The following SGMS1 variants were observed in gnomAD, a reference collection of about 807,000 sequenced individuals.
The protein encoded by SGMS1 is phosphatidylcholine:ceramide cholinephosphotransferase 1.
In SGMS1, 13 loss-of-function variants were observed where a neutral mutation model predicts 46.2. That is an observed-to-expected ratio of 0.28 (90% CI 0.18 to 0.45). SGMS1 has a LOEUF of 0.45. Among genes scored for constraint, SGMS1 ranks in the 20% least tolerant of loss-of-function variants. The pLI, the probability that SGMS1 is intolerant of heterozygous loss-of-function variation, is 1.00. For missense variants in SGMS1, 324 were observed against 519.9 expected, an observed-to-expected ratio of 0.62 and a Z score of 3.66; for synonymous variants, 203 against 187.8, an observed-to-expected ratio of 1.08 and a Z score of -0.66.
chr10:50,322,559 G>A (rs539636489), intron 8 of SGMS1, among the ~76,000 whole-genome samples: 29 of 152,246 alleles, frequency 1.9e-4, no homozygotes, highest in African/African-American at 6.7e-4. Flanking sequence ...GGGGCCGGGC[G>A]CGGTGGCTCA....
intron 2 of SGMS1, among the ~76,000 whole-genome samples, chr10:50,529,931 G>A (rs3011781): frequency 0.84 from 128,036 of 152,112 alleles, 53,981 homozygotes; most frequent in East Asian, 1. Flanking sequence ...CACCATAAAA[G>A]AGGAGTTTTC....
intron 4 of SGMS1, among the ~76,000 whole-genome samples, chr10:50,465,868 A>G (rs1048701798): frequency 2.0e-5 from 3 of 152,166 alleles, no homozygotes; most frequent in East Asian, 3.8e-4. Flanking sequence ...ACAGTTCACA[A>G]ACAACCAACT....
chr10:50,465,926 G>A (rs1033856430), intron 4 of SGMS1, among the ~76,000 whole-genome samples: 1 of 148,100 alleles, frequency 6.8e-6, no homozygotes. Context: ...ACAGAGCTCA[G>A]CCACAAAAAA....
At chr10:50,310,986 C>A (rs889734012) in intron 9 of SGMS1, among the ~76,000 whole-genome samples, 1 of 152,232 alleles carries the variant, frequency 6.6e-6, no homozygotes, top group Non-Finnish European at 1.5e-5. Context: ...AGCTGTATAA[C>A]TGGCTCATAA....
intron 2 of SGMS1, among the ~76,000 whole-genome samples, chr10:50,542,374 C>T (rs868317637): frequency 5.3e-5 from 8 of 151,990 alleles, no homozygotes; most frequent in South Asian, 4.1e-4. Flanking sequence ...TGAAGTGTTG[C>T]CACTCATATT....
intron 3 of SGMS1, among the ~76,000 whole-genome samples, chr10:50,470,256 CT>C (rs1251511401): frequency 6.6e-6 from 1 of 152,130 alleles, no homozygotes; most frequent in Non-Finnish European, 1.5e-5. Flanking sequence ...GTAAAAAGTA[CT>C]GAAAACTTTC....
intron 1 of SGMS1, among the ~76,000 whole-genome samples, chr10:50,612,740 G>A (rs543135833): frequency 1.8e-4 from 27 of 152,204 alleles, no homozygotes; most frequent in South Asian, 1.2e-3. Context: ...ACAGAGCCTC[G>A]CTCTGTCGCC....
At chr10:50,492,075 T>A (rs190511459) in intron 3 of SGMS1, among the ~76,000 whole-genome samples, 1 of 152,202 alleles carries the variant, frequency 6.6e-6, no homozygotes, top group African/African-American at 2.4e-5. Flanking sequence ...CCAACATGAT[T>A]ATCTCAATAG....
At chr10:50,385,515 A>C (rs61856760) in intron 6 of SGMS1, among the ~76,000 whole-genome samples, 6,139 of 152,306 alleles carry the variant, frequency 0.04, 170 homozygotes, top group Middle Eastern at 0.058. Context: ...ATAAAGGTTA[A>C]ATGAAATAAC....
chr10:50,353,142 G>T (rs1467561052), intron 6 of SGMS1, among the ~76,000 whole-genome samples: 2 of 152,224 alleles, frequency 1.3e-5, no homozygotes, highest in Non-Finnish European at 2.9e-5. Flanking sequence ...CAAAAAAAGA[G>T]AATTTTAGAC....
chr10:50,327,062 G>A, intron 8 of SGMS1, 143 bp downstream of exon 8: 1 of 536,820 alleles, frequency 1.9e-6, no homozygotes, highest in East Asian at 3.2e-5. Context: ...GGGCTGCCTG[G>A]CCATATCATT....
chr10:50,331,267 T>A (rs1415913107), intron 7 of SGMS1, among the ~76,000 whole-genome samples: 1 of 152,216 alleles, frequency 6.6e-6, no homozygotes, highest in Non-Finnish European at 1.5e-5. Context: ...CACCTGGCAA[T>A]GCATGGATAT....
At chr10:50,558,662 T>C (rs983449656) in intron 2 of SGMS1, among the ~76,000 whole-genome samples, 1 of 152,164 alleles carries the variant, frequency 6.6e-6, no homozygotes, top group African/African-American at 2.4e-5. Context: ...ACACAGATTT[T>C]CTTCTGCCTC....
chr10:50,553,880 G>T (rs529477282), intron 2 of SGMS1, among the ~76,000 whole-genome samples: 1 of 152,260 alleles, frequency 6.6e-6, no homozygotes, highest in South Asian at 2.1e-4. Context: ...TTAATATTTA[G>T]TTATACTCAA....
At chr10:50,505,871 C>T (rs61858062) in intron 3 of SGMS1, among the ~76,000 whole-genome samples, 26,633 of 152,054 alleles carry the variant, frequency 0.18, 2,624 homozygotes, top group Admixed American at 0.23. Flanking sequence ...GGGAGAGCAT[C>T]CTCTAAAGAG....
At chr10:50,469,969 G>A (rs973719232) in intron 3 of SGMS1, among the ~76,000 whole-genome samples, 2 of 152,156 alleles carry the variant, frequency 1.3e-5, no homozygotes, top group Admixed American at 6.5e-5. Context: ...ATTGTGGGGG[G>A]CAGTGGTTTC....
chr10:50,561,838 C>T (rs1838239081), intron 2 of SGMS1, among the ~76,000 whole-genome samples: 1 of 152,164 alleles, frequency 6.6e-6, no homozygotes, highest in Admixed American at 6.5e-5. Context: ...ACCAGCTGAT[C>T]TCTACTCACT....
intron 3 of SGMS1, among the ~76,000 whole-genome samples, chr10:50,516,912 C>T (rs940522916): frequency 6.6e-6 from 1 of 152,100 alleles, no homozygotes. Flanking sequence ...ATCTACTGTT[C>T]CTGAGCAAAG....
At chr10:50,408,015 G>A (rs1432720672) in intron 6 of SGMS1, among the ~76,000 whole-genome samples, 1 of 152,192 alleles carries the variant, frequency 6.6e-6, no homozygotes, top group African/African-American at 2.4e-5. Flanking sequence ...AGCTTTCTGA[G>A]ATGATGGAAT....
Sources: allele counts gnomAD v4.1 joint callset (sites outside exome capture counted in the v4.1 genomes callset), GRCh38; gene constraint gnomAD v4.1.1; transcripts MANE v1.5; gene names NCBI Gene and HGNC (gene_info 2026-07-23, HGNC 2026-07-21).